Variants in RTTN observed in about 807,000 individuals in gnomAD.
RTTN encodes rotatin.
RTTN carries 182 observed loss-of-function variants against 269.2 expected under a neutral mutation model. That is an observed-to-expected ratio of 0.68 (90% CI 0.60 to 0.76). RTTN has a LOEUF of 0.76. Among genes scored for constraint, RTTN ranks in the 30% least tolerant of loss-of-function variants. The pLI, the probability that RTTN is intolerant of heterozygous loss-of-function variation, is 0.00. For synonymous variants in RTTN, 1,006 were observed against 963.5 expected, an observed-to-expected ratio of 1.04 and a Z score of -0.82; for missense variants, 2,545 against 2,608.6, an observed-to-expected ratio of 0.98 and a Z score of 0.53.
intron 9 of RTTN, among the ~76,000 whole-genome samples, chr18:70,188,617 GC>G (rs944779318): frequency 2.0e-5 from 3 of 152,214 alleles, no homozygotes; most frequent in Non-Finnish European, 2.9e-5. Flanking sequence ...GAAGGCGTGA[GC>G]CTTCTCATAA....
chr18:70,171,990 A>G (rs2061155613), intron 11 of RTTN, among the ~76,000 whole-genome samples: 1 of 152,176 alleles, frequency 6.6e-6, no homozygotes, highest in Non-Finnish European at 1.5e-5. Flanking sequence ...TGTGTTACAA[A>G]TTCTTCCTTA....
Position 70,004,831 on chromosome 18 carries a change from A to T in RTTN, c.6595+367T>A, listed in dbSNP as rs2056132049. ...GAAACGTGGATATAAGGGTAACAGG[A>T]TCAATTCTTGGAAGACTGTCCTCCA... On this transcript the variant is annotated intron_variant, in intron 48 of 48. Transcript: ENST00000640769. Among the ~76,000 whole-genome samples, 3 of 150,930 alleles carry T rather than the reference A, an allele frequency of 2.0e-5. No homozygotes were observed. The South Asian group carries it at 6.4e-4, about 32-fold the overall frequency.
chr18:70,068,550 TC>T (rs1186209001), intron 34 of RTTN, among the ~76,000 whole-genome samples: 1 of 152,210 alleles, frequency 6.6e-6, no homozygotes, highest in Non-Finnish European at 1.5e-5. Flanking sequence ...CCGCGGAACT[TC>T]AGCTAGACTA....
chr18:70,120,181 T>A (rs2059699654), intron 26 of RTTN, among the ~76,000 whole-genome samples: 1 of 149,984 alleles, frequency 6.7e-6, no homozygotes, highest in Non-Finnish European at 1.5e-5. Flanking sequence ...ATCAGCATGC[T>A]CAGCCCCCTC....
chr18:70,166,991 T>C lies in RTTN; in HGVS notation c.1730A>G (p.Gln577Arg), dbSNP rs1173644879. The change falls in exon 13 of 49, where the codon CAA becomes CGA. Residue 577 changes from glutamine (Q) to arginine (R), a missense_variant. By Grantham distance (43) the Gln-to-Arg change is conservative. Coordinates refer to ENST00000640769, the MANE Select transcript of RTTN (RefSeq NM_173630.4). ...ATGATAGGAAAAGCTACGCAAGGCTTGGTCTGCCAGCTCCACTAATTCTAA... is the reference window on the plus strand; with the variant it reads ...ATGATAGGAAAAGCTACGCAAGGCTCGGTCTGCCAGCTCCACTAATTCTAA... ...NLLELVELAD[Q>R]ALRSFSYHQH... 2 of 1,613,644 alleles carry C rather than the reference T, an allele frequency of 1.2e-6. No homozygotes were observed. The highest frequency in any genetic ancestry group is 1.7e-6 in the Non-Finnish European group (2 of 1,179,806).
chr18:70,034,708 G>A (rs1028343067), intron 40 of RTTN, among the ~76,000 whole-genome samples: 15 of 152,156 alleles, frequency 9.9e-5, no homozygotes, highest in Non-Finnish European at 2.1e-4. Flanking sequence ...AATCAGGCAA[G>A]AGAAGGAAAT....
intron 26 of RTTN, among the ~76,000 whole-genome samples, chr18:70,117,123 G>A (rs1324843738): frequency 1.3e-5 from 2 of 152,230 alleles, no homozygotes; most frequent in South Asian, 4.1e-4. Flanking sequence ...CCCTCGGGAA[G>A]TTAGCTGATT....
At chr18:70,154,079 T>C (rs1329143004) in intron 14 of RTTN, among the ~76,000 whole-genome samples, 1 of 152,114 alleles carries the variant, frequency 6.6e-6, no homozygotes, top group African/African-American at 2.4e-5. Flanking sequence ...CAGTTTAAAT[T>C]TTGCAACAAA....
In RTTN at chr18:70,004,245, G is replaced by GAAA; in HGVS notation, c.6596-12_6596-10dup. ...TTCTGAGTTTGGGAAAGCTGAGATAGAAAAATAAGAGTACAGAAATACTAG... is the reference window on the plus strand; with the variant it reads ...TTCTGAGTTTGGGAAAGCTGAGATAGAAAAAAAATAAGAGTACAGAAATACTAG... On this transcript the variant is annotated splice_polypyrimidine_tract_variant and intron_variant, in intron 48 of 48. Transcript: ENST00000640769. 6.3e-7 allele frequency: 1 copy of GAAA among 1,597,364 alleles called. No individual in the cohort carries two copies. Among genetic ancestry groups the GAAA allele is most frequent in the Non-Finnish European group, 8.6e-7 (1 of 1,165,216 alleles).
chr18:70,102,274 T>G (rs1010588928), intron 28 of RTTN, among the ~76,000 whole-genome samples: 1 of 152,344 alleles, frequency 6.6e-6, no homozygotes, highest in Admixed American at 6.5e-5. Flanking sequence ...ACTGGGTGCA[T>G]ATATATTTAG....
At position 70,202,025 on chromosome 18, in the gene RTTN, T is replaced by C. The variant is rs1229031200; in HGVS notation, c.398-42A>G. 4.4e-6 allele frequency: 5 copies of C among 1,129,170 alleles called. No homozygotes were observed. In the East Asian group the frequency reaches 7.2e-5, roughly 16 times the overall value. 69.9% of individuals were successfully genotyped at this position (1,129,170 alleles called of 1,614,324 possible). On this transcript the variant is annotated intron_variant, in intron 3 of 48. Coordinates refer to ENST00000640769, the MANE Select transcript of RTTN (RefSeq NM_173630.4). ...CATTACTGTATTGTCGATTCCTTAT[T>C]TGCTAAAAGTGAAACTTACTTTCTT...
intron 45 of RTTN, 58 bp from the exon 46 acceptor site, chr18:70,017,732 T>A (rs1244882257): frequency 1.4e-6 from 2 of 1,427,380 alleles, no homozygotes; most frequent in African/African-American, 1.4e-5. Flanking sequence ...ATTTTCCTAG[T>A]CCCTTGGTGA....
intron 8 of RTTN, among the ~76,000 whole-genome samples, chr18:70,192,308 A>G (rs12605505): frequency 0.85 from 129,877 of 152,144 alleles, 57,575 homozygotes; most frequent in East Asian, 1. Flanking sequence ...TTTCTAACAC[A>G]TTTGCACCCA....
chr18:70,135,643 C>T (rs763808979), intron 21 of RTTN, among the ~76,000 whole-genome samples: 2 of 152,062 alleles, frequency 1.3e-5, no homozygotes, highest in Non-Finnish European at 2.9e-5. Context: ...AAGGTTATGC[C>T]GAGTCAGATA....
intron 9 of RTTN, among the ~76,000 whole-genome samples, chr18:70,188,986 G>A (rs539200241): frequency 6.6e-5 from 10 of 152,236 alleles, no homozygotes; most frequent in Admixed American, 2.0e-4. Flanking sequence ...AATCTCTTAC[G>A]ATATTGAACA....
rs749520981 is a variant in RTTN, at chr18:70,166,153, C to T, written c.1838G>A (p.Gly613Glu). ...KSAQASPLLQ[G>E]ESQKVLLHML... ...ATGGAGAAGCACCTTCTGACTTTCT[C>T]CTTGTAGTAATGGACTGGCCTGAGC... The change falls in exon 14 of 49, where the codon GGA becomes GAA. Residue 613 changes from glycine (G) to glutamate (E), a missense_variant. Coordinates refer to ENST00000640769, the MANE Select transcript of RTTN (RefSeq NM_173630.4). 1.2e-5 allele frequency: 20 copies of T among 1,613,500 alleles called. No individual in the cohort carries two copies. The Admixed American group carries it at 2.7e-4, about 22-fold the overall frequency.
At chr18:70,176,164 CATGTAT>C (rs893246995) in intron 11 of RTTN, among the ~76,000 whole-genome samples, 22 of 151,590 alleles carry the variant, frequency 1.5e-4, no homozygotes, top group Admixed American at 5.9e-4. Context: ...CAAACATATA[CATGTAT>C]ATGTATATGT....
In RTTN at chr18:70,004,617, T is replaced by TA. The variant is rs199608325; in HGVS notation, c.6596-382dup. 5.4e-3 allele frequency among the ~76,000 whole-genome samples: 797 copies of TA among 146,380 alleles called. 5 individuals are homozygous for TA. The highest frequency in any genetic ancestry group is 0.011 in the African/African-American group (437 of 40,164). On this transcript the variant is annotated intron_variant, in intron 48 of 48. Coordinates refer to ENST00000640769, the MANE Select transcript of RTTN (RefSeq NM_173630.4). The stretch of plus-strand genomic sequence containing the variant: ...AAAACAAACTAAAACCTCCCCTGCT[T>TA]AAAAAAAAAAATCAGACTATAAAAA...
At chr18:70,012,052 G>A in intron 46 of RTTN, among the ~76,000 whole-genome samples, 1 of 143,510 alleles carries the variant, frequency 7.0e-6, no homozygotes, top group African/African-American at 2.6e-5. Context: ...ATTGGTTACA[G>A]GGCAGCGTCT....
Sources: allele counts gnomAD v4.1 joint callset (sites outside exome capture counted in the v4.1 genomes callset), GRCh38; gene constraint gnomAD v4.1.1; transcripts MANE v1.5; gene names NCBI Gene and HGNC (gene_info 2026-07-23, HGNC 2026-07-21).